VIT: variants seen among roughly 807,000 people sequenced by gnomAD.
VIT encodes vitrin.
VIT carries 99 observed loss-of-function variants against 78.0 expected under a neutral mutation model. The ratio of observed to expected loss-of-function variants is 1.27; its 90% CI spans 1.08 to 1.50. The LOEUF is 1.50. Ranked by LOEUF, VIT falls within the 40% of genes most tolerant of loss-of-function variation. VIT has a pLI of 0.00. For synonymous variants in VIT, 374 were observed against 334.3 expected, an observed-to-expected ratio of 1.12 and a Z score of -1.29; for missense variants, 1,126 against 875.3, an observed-to-expected ratio of 1.29 and a Z score of -3.61.
At position 36,743,240 on chromosome 2, in the gene VIT, G is replaced by A. The variant is rs1444188764; in HGVS notation, c.259G>A (p.Gly87Ser). 1 of 1,613,796 alleles carries A rather than the reference G, an allele frequency of 6.2e-7. No individual in the cohort carries two copies. The highest frequency in any genetic ancestry group is 8.5e-7 in the Non-Finnish European group (1 of 1,179,856). ...DVYASYSSVC[G>S]AAVHSGVLDN... ...GTATGCATCCTACTCCAGTGTGTGT[G>A]GCGCTGCCGTACACAGGTGAGTGGT... The change falls in exon 4 of 16, where the codon GGC (glycine) becomes AGC (serine). Residue 87 changes from glycine (G) to serine (S), a missense_variant. Gly to Ser is a moderately conservative substitution (Grantham distance 56). Coordinates refer to ENST00000379242, the MANE Select transcript of VIT (RefSeq NM_053276.4).
intron 4 of VIT, among the ~76,000 whole-genome samples, chr2:36,745,884 G>C (rs551289314): frequency 6.6e-6 from 1 of 152,264 alleles, no homozygotes; most frequent in African/African-American, 2.4e-5. Flanking sequence ...TCTTGTTCCA[G>C]TTCTCAAGGG....
intron 6 of VIT, among the ~76,000 whole-genome samples, chr2:36,761,106 G>C (rs145620986): frequency 6.6e-6 from 1 of 152,154 alleles, no homozygotes; most frequent in African/African-American, 2.4e-5. Flanking sequence ...AAAACTCTGC[G>C]AGCTCTGTTG....
chr2:36,728,834 A>AAAAAAAAAG (rs761254776), intron 2 of VIT, among the ~76,000 whole-genome samples: 2 of 146,668 alleles, frequency 1.4e-5, no homozygotes, highest in South Asian at 2.2e-4. Context: ...AAAAAAGAAA[A>AAAAAAAAAG]AAGAAAAAAT....
chr2:36,766,603 T>G (rs1669445356), intron 6 of VIT, among the ~76,000 whole-genome samples: 1 of 152,122 alleles, frequency 6.6e-6, no homozygotes, highest in African/African-American at 2.4e-5. Context: ...TTTTACAGAT[T>G]AGGAAACTGG....
intron 12 of VIT, among the ~76,000 whole-genome samples, chr2:36,800,910 G>A (rs1261222687): frequency 6.6e-6 from 1 of 152,170 alleles, no homozygotes; most frequent in Non-Finnish European, 1.5e-5. Flanking sequence ...TCTCTTTCTG[G>A]AGAGGGGGGT....
chr2:36,792,653 C>T (rs1268450597), intron 12 of VIT, among the ~76,000 whole-genome samples: 2 of 152,062 alleles, frequency 1.3e-5, no homozygotes, highest in Non-Finnish European at 2.9e-5. Context: ...GTGTAGAGCC[C>T]AGGTATCATT....
intron 11 of VIT, among the ~76,000 whole-genome samples, chr2:36,786,346 C>T (rs1369357946): frequency 3.9e-5 from 6 of 152,136 alleles, no homozygotes; most frequent in South Asian, 2.1e-4. Context: ...TCCTGTCTAC[C>T]GCAAAGGAAA....
chr2:36,736,972 C>A (rs1667545460), intron 3 of VIT, among the ~76,000 whole-genome samples: 1 of 152,150 alleles, frequency 6.6e-6, no homozygotes, highest in Non-Finnish European at 1.5e-5. Flanking sequence ...TACAGTCTAT[C>A]TTCCCAGCAA....
At chr2:36,729,024 T>C (rs913774016) in intron 2 of VIT, among the ~76,000 whole-genome samples, 1 of 152,248 alleles carries the variant, frequency 6.6e-6, no homozygotes, top group Non-Finnish European at 1.5e-5. Context: ...CCACTTTTTA[T>C]CTTTTATACT....
chr2:36,740,035 A>T (rs1667743964), intron 3 of VIT, among the ~76,000 whole-genome samples: 1 of 152,228 alleles, frequency 6.6e-6, no homozygotes, highest in Admixed American at 6.5e-5. Context: ...CATTTGCCAA[A>T]TGTCTTCCCG....
At chr2:36,727,938 C>G (rs1361811941) in intron 2 of VIT, among the ~76,000 whole-genome samples, 2 of 151,940 alleles carry the variant, frequency 1.3e-5, no homozygotes, top group Non-Finnish European at 2.9e-5. Flanking sequence ...TGTGTGTTTT[C>G]TTTTTTTTGA....
chr2:36,745,277 G>C (rs1668070272), intron 4 of VIT, among the ~76,000 whole-genome samples: 1 of 151,842 alleles, frequency 6.6e-6, no homozygotes, highest in Admixed American at 6.6e-5. Flanking sequence ...TTTGCTTAGA[G>C]TTTTTTTGGC....
intron 11 of VIT, among the ~76,000 whole-genome samples, chr2:36,784,806 G>A (rs1664984758): frequency 1.3e-5 from 2 of 152,218 alleles, no homozygotes; most frequent in African/African-American, 4.8e-5. Context: ...ACTGATGCTG[G>A]CATCTTCAGA....
In VIT at chr2:36,805,589, C is replaced by T. The variant is rs1398147189; in HGVS notation, c.1314C>T (p.Asn438=). ...ASRLARESGI[N]IFFITIEGAA... ...GACTTGCGAGAGAGTCAGGAATCAA[C>T]ATTTTCTTCATCACCATTGAAGGTG... is the stretch of plus-strand genomic sequence containing the variant. Residue 438 remains asparagine, a synonymous_variant, in exon 14 of 16, where the codon AAC becomes AAT. Transcript: ENST00000379242. 7 of 1,614,018 alleles carry T rather than the reference C, an allele frequency of 4.3e-6. No individual in the cohort carries two copies. Among genetic ancestry groups the T allele is most frequent in the Non-Finnish European group, 5.1e-6 (6 of 1,180,026 alleles).
At chr2:36,699,626 G>GTAGGTAGGTAGATAGATAGATAGATAGA (rs372689790) in intron 1 of VIT, among the ~76,000 whole-genome samples, 1 of 141,886 alleles carries the variant, frequency 7.0e-6, no homozygotes, top group Non-Finnish European at 1.5e-5. Flanking sequence ...AGATATATAG[G>GTAGGTAGGTAGATAGATAGATAGATAGA]TAGATAGATA....
At chr2:36,739,805 A>G (rs1028482057) in intron 3 of VIT, among the ~76,000 whole-genome samples, 60 of 152,270 alleles carry the variant, frequency 3.9e-4, no homozygotes, top group African/African-American at 1.4e-3. Flanking sequence ...TTTCTGTGCA[A>G]AGGTGCCACT....
At chr2:36,797,454 C>A (rs146452316) in intron 12 of VIT, among the ~76,000 whole-genome samples, 1 of 152,068 alleles carries the variant, frequency 6.6e-6, no homozygotes, top group African/African-American at 2.4e-5. Context: ...TCTGACAGGA[C>A]GTGGTATTTG....
intron 2 of VIT, among the ~76,000 whole-genome samples, chr2:36,719,943 C>T (rs1171614656): frequency 1.3e-5 from 2 of 151,822 alleles, no homozygotes; most frequent in African/African-American, 2.4e-5. Context: ...CCCTGACTCA[C>T]ACACACACAC....
At position 36,813,472 on chromosome 2, in the gene VIT, G is replaced by C. The variant is rs12621235; in HGVS notation, c.1904-711G>C. 2.6e-4 allele frequency among the ~76,000 whole-genome samples: 40 copies of C among 152,156 alleles called. No homozygotes were observed. The East Asian group carries it at 7.0e-3, about 27-fold the overall frequency. ...TCAAACAAACAAACAAAAACCCATT[G>C]AGCACTTTTTCATGTTCATCTTACA... is the stretch of plus-strand genomic sequence containing the variant. On this transcript the variant is annotated intron_variant, in intron 15 of 15. Transcript: ENST00000379242.
Sources: gnomAD v4.1 joint callset for allele counts (sites outside exome capture counted in the v4.1 genomes callset) on GRCh38, gnomAD v4.1.1 for gene constraint, MANE v1.5 for transcripts, NCBI Gene and HGNC (gene_info 2026-07-23, HGNC 2026-07-21) for gene names.